Variants in H2AZ2 observed in about 807,000 individuals in gnomAD.
H2AZ2 encodes the protein H2A.Z variant histone 2.
H2AZ2 carries 5 observed loss-of-function variants against 15.5 expected under a neutral mutation model. The observed-to-expected ratio is 0.32, with a 90% CI of 0.17 to 0.68. The LOEUF is 0.68. Among genes scored for constraint, H2AZ2 ranks in the 30% least tolerant of loss-of-function variants. The probability of loss-of-function intolerance (pLI) is 0.72; values close to 1 mark genes in which losing one functional copy is unlikely to be tolerated. For missense variants in H2AZ2, 42 were observed against 162.5 expected (o/e 0.26, Z 4.03); for synonymous variants, 44 against 57.4 (o/e 0.77, Z 1.05).
Position 44,832,656 on chromosome 7 carries a change from C to CA in H2AZ2, c.*1844dup, listed in dbSNP as rs1291459036. ...TTAACTAGTACATTAACTCAAGTAA[C>CA]AGTTACTTAGCGCAGGGCATGGTGG... is the stretch of plus-strand genomic sequence containing the variant. On this transcript the variant is annotated 3_prime_UTR_variant, in exon 5 of 5. Coordinates refer to ENST00000308153, the MANE Select transcript of H2AZ2 (RefSeq NM_012412.5). Among the ~76,000 whole-genome samples the CA allele has an allele frequency of 2.6e-5, 4 of 152,092 alleles. No individual in the cohort carries two copies. The highest frequency in any genetic ancestry group is 9.7e-5 in the African/African-American group (4 of 41,394).
chr7:44,837,433 G>GAAAAAAAAAAAAAAAAAAAAAAAAAAA (rs71011996), intron 3 of H2AZ2, among the ~76,000 whole-genome samples: 1 of 87,270 alleles, frequency 1.1e-5, no homozygotes, highest in South Asian at 4.3e-4. Context: ...AAAAAAAAAA[G>GAAAAAAAAAAAAAAAAAAAAAAAAAAA]AAAAAAAAAA....
chr7:44,830,070 C>A, downstream of H2AZ2: 2 of 1,459,564 alleles, frequency 1.4e-6, no homozygotes, highest in Non-Finnish European at 1.9e-6. Context: ...CAGCTCAGCA[C>A]ACATCCCAGT....
downstream of H2AZ2, among the ~76,000 whole-genome samples, chr7:44,831,112 A>G (rs1792992614): frequency 6.6e-6 from 1 of 152,236 alleles, no homozygotes; most frequent in Non-Finnish European, 1.5e-5. Flanking sequence ...GGTTGCAGTG[A>G]GCTGAGATTG....
chr7:44,838,194 C>T (rs965869097), intron 3 of H2AZ2, among the ~76,000 whole-genome samples: 1 of 151,570 alleles, frequency 6.6e-6, no homozygotes, highest in African/African-American at 2.4e-5. Context: ...AGAATGGTCT[C>T]GATCTCTTGA....
At position 44,832,349 on chromosome 7, in the gene H2AZ2, G is replaced by A. The variant is rs1054214; in HGVS notation, c.*2152C>T. ...ATATTTGAATGTCTCTGATCACACAGACATGAAAATACTATGCCTGTTAAT... is the reference window on the plus strand; with the variant it reads ...ATATTTGAATGTCTCTGATCACACAAACATGAAAATACTATGCCTGTTAAT... On this transcript the variant is annotated 3_prime_UTR_variant, in exon 5 of 5. Transcript: ENST00000308153. 0.67 allele frequency among the ~76,000 whole-genome samples: 102,171 copies of A among 151,914 alleles called. 37,522 individuals carry two copies. Among genetic ancestry groups the A allele is most frequent in the Non-Finnish European group, 0.83 (56,657 of 67,974 alleles).
intron 2 of H2AZ2, among the ~76,000 whole-genome samples, chr7:44,842,999 T>C (rs185405989): frequency 3.8e-4 from 58 of 151,084 alleles, no homozygotes; most frequent in Non-Finnish European, 8.1e-4. Flanking sequence ...ACTAGCTGGG[T>C]ATGGTGGCGC....
rs974585779 is a variant in H2AZ2, at chr7:44,834,131, C to T, written c.*370G>A. On this transcript the variant is annotated 3_prime_UTR_variant, in exon 5 of 5. Coordinates refer to ENST00000308153, the MANE Select transcript of H2AZ2 (RefSeq NM_012412.5). Reference sequence around the variant, plus strand: ...TAAAGATATATTCCCAATTTCTGTTCTAAGGTTACTCTGAATAACCAATCT... The same window carrying T: ...TAAAGATATATTCCCAATTTCTGTTTTAAGGTTACTCTGAATAACCAATCT... 8.4e-6 allele frequency: 8 copies of T among 954,518 alleles called. No individual in the cohort carries two copies. Among genetic ancestry groups the T allele is most frequent in the Non-Finnish European group, 7.6e-6 (6 of 794,100 alleles). 59.1% of individuals were successfully genotyped at this position (954,518 alleles called of 1,614,324 possible). A position where few individuals can be genotyped will look rare whatever the true frequency, so the allele number is the denominator to read the frequency against.
rs143666606 is a variant in H2AZ2 at position 44,843,906 on chromosome 7, T to C, written c.4-552A>G. On this transcript the variant is annotated intron_variant, in intron 1 of 4. Coordinates refer to ENST00000308153, the MANE Select transcript of H2AZ2 (RefSeq NM_012412.5). ...CAAACATATTTATCAATTTCCAGAT[T>C]AAAGAATCTTGCAAGTCAATATAAC... Among the ~76,000 whole-genome samples, 18 of 152,294 alleles carry C rather than the reference T, an allele frequency of 1.2e-4. No homozygotes were observed. In the East Asian group the frequency reaches 3.5e-3, roughly 29 times the overall value.
Position 44,843,351 on chromosome 7 carries a change from C to T in H2AZ2, c.7G>A (p.Gly3Arg). 6.2e-7 allele frequency: 1 copy of T among 1,609,976 alleles called. No homozygotes were observed. The highest frequency in any genetic ancestry group is 8.5e-7 in the Non-Finnish European group (1 of 1,178,638). MAGGKAGKDSGKA... is the reference protein window; with the variant it reads MARGKAGKDSGKA... ...CCACTGTCCTTTCCAGCTTTGCCTC[C>T]AGCCTAAATGCAAAAAAAAATTTTT... Residue 3 changes from glycine to arginine, a missense_variant, in exon 2 of 5, where the codon GGA (glycine) becomes AGA (arginine). Physicochemically the swap from Gly to Arg is moderately radical, Grantham distance 125 (BLOSUM62 -2). Transcript: ENST00000308153.
At chr7:44,828,249 G>A (rs1405705013), downstream of H2AZ2, 3 of 152,020 alleles carry the variant, frequency 2.0e-5, no homozygotes, top group Non-Finnish European at 4.4e-5. Context: ...GATTCTTAAC[G>A]ACCTTGGTAC....
downstream of H2AZ2, chr7:44,829,894 T>C (rs1487975436): frequency 9.8e-6 from 4 of 408,114 alleles, no homozygotes; most frequent in East Asian, 4.5e-5. Context: ...CAAACATAAA[T>C]AGAATATTTT....
Position 44,835,575 on chromosome 7 carries a change from A to G in H2AZ2, c.279T>C (p.Gly93=). Residue 93 remains glycine, a synonymous_variant, in exon 4 of 5, where the codon GGT becomes GGC. Coordinates refer to ENST00000308153, the MANE Select transcript of H2AZ2 (RefSeq NM_012412.5). ...TGATAAGAGAATCCAACTCTTCATC[A>G]CCACGGATTGCAAGCTGCAAGTGAC... ...TPRHLQLAIR[G]DEELDSLIKA... is the part of the protein sequence containing the mutation. 6.2e-7 allele frequency: 1 copy of G among 1,613,952 alleles called. No individual in the cohort carries two copies. The highest frequency in any genetic ancestry group is 2.2e-5 in the East Asian group (1 of 44,874).
Position 44,843,274 on chromosome 7 carries a change from T to C in H2AZ2, c.81+3A>G. 1.9e-6 allele frequency: 3 copies of C among 1,591,498 alleles called. No homozygotes were observed. The highest frequency in any genetic ancestry group is 2.6e-6 in the Non-Finnish European group (3 of 1,167,642). The stretch of plus-strand genomic sequence containing the variant: ...TAATGTAATGACAGCATGGATTCAT[T>C]ACCTGTAGCCCAGCTCTCTGTGAGC... On this transcript the variant is annotated splice_donor_region_variant and intron_variant, in intron 2 of 4. Transcript: ENST00000308153.
In H2AZ2 at chr7:44,834,646, T is replaced by C; in HGVS notation, c.326-84A>G. 6.3e-6 allele frequency: 8 copies of C among 1,274,424 alleles called. 1 individual carries two copies. Among genetic ancestry groups the C allele is most frequent in the Non-Finnish European group, 8.8e-6 (8 of 905,156 alleles). The allele number at this position is 1,274,424 out of a possible 1,614,324, so 78.9% of individuals were successfully genotyped here. ...AGTTAATTATAGAAAAAATGAAATT[T>C]ACTTAAGTCCCTTTTCATATTCTGA... On this transcript the variant is annotated intron_variant, in intron 4 of 4. Coordinates refer to ENST00000308153, the MANE Select transcript of H2AZ2 (RefSeq NM_012412.5).
At chr7:44,845,248 A>G (rs1048751288) in intron 1 of H2AZ2, among the ~76,000 whole-genome samples, 1 of 152,184 alleles carries the variant, frequency 6.6e-6, no homozygotes, top group African/African-American at 2.4e-5. Flanking sequence ...AGGAAAAATA[A>G]AAATCTAAGA....
Position 44,833,333 on chromosome 7 carries a change from C to T in H2AZ2, c.*1168G>A, listed in dbSNP as rs573920840. 5.9e-5 allele frequency among the ~76,000 whole-genome samples: 9 copies of T among 152,208 alleles called. No individual in the cohort carries two copies. Among genetic ancestry groups the T allele is most frequent in the African/African-American group, 1.9e-4 (8 of 41,536 alleles). ...CTGCAAGCTCCGCCTCCCGGGTTCA[C>T]GTCATTCTCATGCCTCAGCCTCCTG... On this transcript the variant is annotated 3_prime_UTR_variant, in exon 5 of 5. Coordinates refer to ENST00000308153, the MANE Select transcript of H2AZ2 (RefSeq NM_012412.5).
At chr7:44,835,353 G>A in intron 4 of H2AZ2, 176 bp downstream of exon 4, 2 of 480,722 alleles carry the variant, frequency 4.2e-6, no homozygotes, top group Non-Finnish European at 7.0e-6. Context: ...TGGCTAGAAG[G>A]TGAAATATTT....
chr7:44,846,062 C>CACACACACACACAGAGAG (rs57468916), intron 1 of H2AZ2, among the ~76,000 whole-genome samples: 17 of 75,152 alleles, frequency 2.3e-4, no homozygotes, highest in East Asian at 1.0e-3. Flanking sequence ...CACACACACA[C>CACACACACACACAGAGAG]AGAGAGAGAC....
At chr7:44,845,624 C>A (rs1793379213) in intron 1 of H2AZ2, among the ~76,000 whole-genome samples, 1 of 152,158 alleles carries the variant, frequency 6.6e-6, no homozygotes, top group Non-Finnish European at 1.5e-5. Flanking sequence ...CCAGGCTCCC[C>A]AGGTCATATA....
Sources: gnomAD v4.1 joint callset for allele counts (sites outside exome capture counted in the v4.1 genomes callset) on GRCh38, gnomAD v4.1.1 for gene constraint, MANE v1.5 for transcripts, NCBI Gene and HGNC (gene_info 2026-07-23, HGNC 2026-07-21) for gene names.